CDON: variants seen among roughly 807,000 people sequenced by gnomAD.
CDON encodes the protein cell adhesion associated, oncogene regulated.
CDON carries 73 observed loss-of-function variants against 120.9 expected under a neutral mutation model. The observed-to-expected ratio is 0.60, with a 90% CI of 0.50 to 0.73. The LOEUF (loss-of-function observed/expected upper bound fraction) is 0.73, where lower values mean the gene tolerates loss of function less well. Ranked by LOEUF, CDON falls within the 30% of genes least tolerant of loss-of-function variation. CDON has a pLI of 0.00. For synonymous variants in CDON, 566 were observed against 573.5 expected (o/e 0.99, Z 0.19); for missense variants, 1,470 against 1,587.3 (o/e 0.93, Z 1.26).
At chr11:125,962,925 C>A (rs1372532716) in intron 18 of CDON, among the ~76,000 whole-genome samples, 1 of 152,190 alleles carries the variant, frequency 6.6e-6, no homozygotes, top group Non-Finnish European at 1.5e-5. Context: ...ATTGTGACAT[C>A]TGGGTCCATC....
intron 18 of CDON, among the ~76,000 whole-genome samples, chr11:125,973,636 C>T (rs1591552620): frequency 6.6e-6 from 1 of 152,326 alleles, no homozygotes; most frequent in South Asian, 2.1e-4. Flanking sequence ...TCTGACTCCT[C>T]CAGTTACTAG....
At chr11:126,007,453 C>T (rs185606851) in intron 8 of CDON, among the ~76,000 whole-genome samples, 128 of 152,218 alleles carry the variant, frequency 8.4e-4, no homozygotes, top group Admixed American at 6.9e-3. Flanking sequence ...AGTCAGACTG[C>T]GGACTGATGT....
At chr11:125,988,439 G>C (rs956229318) in intron 15 of CDON, among the ~76,000 whole-genome samples, 1 of 152,050 alleles carries the variant, frequency 6.6e-6, no homozygotes, top group Non-Finnish European at 1.5e-5. Flanking sequence ...GCAGTGGCCC[G>C]ATCTTGGCTC....
intron 15 of CDON, 73 bp downstream of exon 15, chr11:125,989,564 T>C (rs895176678): frequency 1.1e-5 from 16 of 1,404,826 alleles, no homozygotes; most frequent in Non-Finnish European, 1.5e-5. Context: ...ACCCAGAATA[T>C]ATCAGTAGTC....
chr11:126,015,269 G>T lies in CDON; in HGVS notation c.1170C>A (p.His390Gln), dbSNP rs1947428639. The change falls in exon 7 of 20, where the codon CAC (histidine) becomes CAA (glutamine). Residue 390 changes from histidine to glutamine, a missense_variant. By Grantham distance (24) the His-to-Gln change is conservative (BLOSUM62 0). Transcript: ENST00000531738. ...TTTCAATTTCAAGTCTTCCAGTAGA[G>T]TGCATAAATCCAATCCCATTATCTG... is the stretch of plus-strand genomic sequence containing the variant. ...CVADNGIGFMHSTGRLEIEND... is the reference protein window; with the variant it reads ...CVADNGIGFMQSTGRLEIEND... 2 of 1,614,050 alleles carry T rather than the reference G, an allele frequency of 1.2e-6. No individual in the cohort carries two copies. Among genetic ancestry groups the T allele is most frequent in the Non-Finnish European group, 8.5e-7 (1 of 1,179,960 alleles).
intron 3 of CDON, among the ~76,000 whole-genome samples, 172 bp from the exon 4 acceptor site, chr11:126,019,937 C>T (rs1947585520): frequency 6.6e-6 from 1 of 151,894 alleles, no homozygotes; most frequent in Non-Finnish European, 1.5e-5. Context: ...GGGCAAGCTA[C>T]TCAGGAGGCT....
intron 14 of CDON, among the ~76,000 whole-genome samples, chr11:125,990,342 C>T (rs1946601301): frequency 6.6e-6 from 1 of 152,198 alleles, no homozygotes; most frequent in African/African-American, 2.4e-5. Flanking sequence ...CCACCACCCC[C>T]ACTCCTGCTT....
Position 126,003,910 on chromosome 11 carries a change from G to A in CDON, c.2018C>T (p.Thr673Ile), listed in dbSNP as rs1947034595. Residue 673 changes from threonine (T) to isoleucine (I), a missense_variant, in exon 10 of 20, where the codon ACC (threonine) becomes ATC (isoleucine). Transcript: ENST00000531738. ...AGGAAGCCCTCACTCACCTTTGCTGGTTCGGAAGGTAAGCATGGCAGGTTG... is the reference window on the plus strand; with the variant it reads ...AGGAAGCCCTCACTCACCTTTGCTGATTCGGAAGGTAAGCATGGCAGGTTG... The part of the protein sequence containing the change: ...EGQPAMLTFR[T>I]SKEKTASSKN... The A allele has an allele frequency of 6.2e-7, 1 of 1,613,946 alleles. No homozygotes were observed. The highest frequency in any genetic ancestry group is 8.5e-7 in the Non-Finnish European group (1 of 1,179,960).
At chr11:126,063,198 T>C (rs1173524183), upstream of CDON, 1 of 152,304 alleles carries the variant, frequency 6.6e-6, no homozygotes, top group African/African-American at 2.4e-5. Flanking sequence ...TTCTTGGGTG[T>C]AGGACAGGTA....
chr11:126,045,689 G>T (rs12790730), intron 1 of CDON, among the ~76,000 whole-genome samples: 1 of 151,844 alleles, frequency 6.6e-6, no homozygotes, highest in Non-Finnish European at 1.5e-5. Context: ...TCACACATTC[G>T]GCTGGGCACA....
intron 1 of CDON, among the ~76,000 whole-genome samples, chr11:126,051,721 C>T (rs1948563731): frequency 6.7e-6 from 1 of 149,988 alleles, no homozygotes; most frequent in Non-Finnish European, 1.5e-5. Context: ...AATCTTGGCT[C>T]CCTGCAACCT....
In CDON at chr11:125,994,889, C is replaced by T. The variant is rs779537102; in HGVS notation, c.2526G>A (p.Gln842=). 1 of 1,614,048 alleles carries T rather than the reference C, an allele frequency of 6.2e-7. No individual in the cohort carries two copies. Among genetic ancestry groups the T allele is most frequent in the Non-Finnish European group, 8.5e-7 (1 of 1,179,938 alleles). Residue 842 remains glutamine, a synonymous_variant, in exon 13 of 20, where the codon CAG becomes CAA. Coordinates refer to ENST00000531738, the MANE Select transcript of CDON (RefSeq NM_001378964.1). ...IAYTEAVSDT[Q]IMLKWTYIPS... is the part of the protein sequence containing the mutation. Reference sequence around the variant, plus strand: ...TACTGACCGTCCACTTTAGCATGATCTGAGTATCGCTGACAGCCTCTGTGT... The same window carrying T: ...TACTGACCGTCCACTTTAGCATGATTTGAGTATCGCTGACAGCCTCTGTGT...
intron 1 of CDON, among the ~76,000 whole-genome samples, chr11:126,047,657 AT>A (rs1443087528): frequency 6.6e-6 from 1 of 152,208 alleles, no homozygotes; most frequent in African/African-American, 2.4e-5. Context: ...AAATGGGATG[AT>A]CCCATAGCCC....
intron 6 of CDON, among the ~76,000 whole-genome samples, chr11:126,016,569 A>T (rs905331212): frequency 2.0e-5 from 3 of 152,070 alleles, no homozygotes; most frequent in African/African-American, 7.2e-5. Context: ...AGTAGCTGGG[A>T]TTACAAGCCT....
At chr11:125,988,949 G>A (rs979858408) in intron 15 of CDON, among the ~76,000 whole-genome samples, 2 of 152,058 alleles carry the variant, frequency 1.3e-5, no homozygotes, top group African/African-American at 4.8e-5. Context: ...AATCTAGAAA[G>A]TAGTCAACAA....
chr11:126,052,080 G>A (rs1233266260), intron 1 of CDON, among the ~76,000 whole-genome samples: 10 of 151,742 alleles, frequency 6.6e-5, no homozygotes. Context: ...GCTTTAGTTA[G>A]CCATGGGATT....
intron 2 of CDON, among the ~76,000 whole-genome samples, chr11:126,022,465 G>A (rs1947670809): frequency 6.6e-6 from 1 of 152,246 alleles, no homozygotes; most frequent in East Asian, 1.9e-4. Flanking sequence ...TATTACTCCA[G>A]GAACATGGGA....
chr11:126,017,320 A>C lies in CDON; in HGVS notation c.696T>G (p.Ala232=), dbSNP rs1243692503. The change falls in exon 6 of 20, where the codon GCT becomes GCG. Residue 232 remains alanine, a synonymous_variant. Transcript: ENST00000531738. ...ILHPTHSQAL[A]VLSRSPVTLE... ...AGGTTACAGGGCTACGAGAAAGAAC[A>C]GCTAATGCCTGTGAATGGGTGGGGT... is the stretch of plus-strand genomic sequence containing the variant. The C allele has an allele frequency of 6.2e-7, 1 of 1,614,058 alleles. No individual in the cohort carries two copies. Among genetic ancestry groups the C allele is most frequent in the African/African-American group, 1.3e-5 (1 of 74,940 alleles).
rs199981607 is a variant in CDON at position 126,019,776 on chromosome 11, T to C, written c.350-11A>G. On this transcript the variant is annotated splice_polypyrimidine_tract_variant and intron_variant, in intron 3 of 19. Coordinates refer to ENST00000531738, the MANE Select transcript of CDON (RefSeq NM_001378964.1). ...CAAAATCACCAAGAACTGAAATATA[T>C]AAGGAAACAGATAAATAAATACATG... 1,438 of 1,605,480 alleles carry C rather than the reference T, an allele frequency of 9.0e-4. 1 individual carries two copies. The highest frequency in any genetic ancestry group is 1.4e-3 in the Admixed American group (83 of 59,972).
Sources: allele counts gnomAD v4.1 joint callset (sites outside exome capture counted in the v4.1 genomes callset), GRCh38; gene constraint gnomAD v4.1.1; transcripts MANE v1.5; gene names NCBI Gene and HGNC (gene_info 2026-07-23, HGNC 2026-07-21).